Variants in DENND1A observed in about 807,000 individuals in gnomAD.
The protein encoded by DENND1A is DENN domain containing 1A.
DENND1A carries 51 observed loss-of-function variants against 113.7 expected under a neutral mutation model. The observed-to-expected ratio is 0.45, with a 90% CI of 0.36 to 0.57. DENND1A has a LOEUF of 0.57. Among genes scored for constraint, DENND1A ranks in the 20% least tolerant of loss-of-function variants. The pLI, the probability that DENND1A is intolerant of heterozygous loss-of-function variation, is 0.00. For missense variants in DENND1A, 1,258 were observed against 1,395.9 expected (o/e 0.90, Z 1.57); for synonymous variants, 565 against 570.8 (o/e 0.99, Z 0.14).
intron 12 of DENND1A, among the ~76,000 whole-genome samples, chr9:123,558,830 G>A (rs371659770): frequency 1.4e-4 from 21 of 152,244 alleles, no homozygotes; most frequent in African/African-American, 4.8e-4. Context: ...TGGTGACCTC[G>A]AGTTATCCAT....
At chr9:123,929,266 G>C (rs1279141987) in intron 1 of DENND1A, among the ~76,000 whole-genome samples, 1 of 152,204 alleles carries the variant, frequency 6.6e-6, no homozygotes, top group Admixed American at 6.5e-5. Flanking sequence ...CCTTTCCAAC[G>C]ATTATCAAGA....
chr9:123,712,019 T>C (rs763210079), intron 5 of DENND1A, among the ~76,000 whole-genome samples: 1 of 152,226 alleles, frequency 6.6e-6, no homozygotes, highest in Non-Finnish European at 1.5e-5. Flanking sequence ...TATTCTTGAA[T>C]GAATGCAACT....
At chr9:123,886,187 G>T (rs544288672) in intron 1 of DENND1A, among the ~76,000 whole-genome samples, 1,707 of 147,154 alleles carry the variant, frequency 0.012, 32 homozygotes, top group African/African-American at 0.04. Context: ...TTTTTGTTTT[G>T]TTTTTTTTTT....
intron 3 of DENND1A, among the ~76,000 whole-genome samples, chr9:123,772,348 G>A (rs975387314): frequency 6.6e-6 from 1 of 152,138 alleles, no homozygotes; most frequent in African/African-American, 2.4e-5. Context: ...CACATTCATG[G>A]CAGTGTCCCA....
intron 5 of DENND1A, among the ~76,000 whole-genome samples, chr9:123,746,685 A>G (rs946460849): frequency 7.2e-5 from 11 of 152,182 alleles, no homozygotes; most frequent in African/African-American, 2.7e-4. Context: ...AGGAACGCAC[A>G]AGTTCATGGG....
intron 2 of DENND1A, among the ~76,000 whole-genome samples, chr9:123,809,761 CCT>C (rs1260962802): frequency 9.9e-5 from 15 of 152,276 alleles, no homozygotes; most frequent in East Asian, 5.8e-4. Flanking sequence ...ACCTCCACCC[CCT>C]GAGTTCCAGC....
At chr9:123,758,651 A>C (rs1327722868) in intron 4 of DENND1A, among the ~76,000 whole-genome samples, 2 of 152,238 alleles carry the variant, frequency 1.3e-5, no homozygotes, top group Non-Finnish European at 2.9e-5. Context: ...TTTTCTAAGA[A>C]ATGGAAACAA....
At chr9:123,614,908 A>G (rs757491361) in intron 10 of DENND1A, among the ~76,000 whole-genome samples, 3 of 152,228 alleles carry the variant, frequency 2.0e-5, no homozygotes, top group Admixed American at 6.5e-5. Flanking sequence ...CTTTTTTTGT[A>G]AAAGACACAA....
chr9:123,442,125 C>T (rs960455870), intron 18 of DENND1A, among the ~76,000 whole-genome samples: 1 of 152,174 alleles, frequency 6.6e-6, no homozygotes, highest in African/African-American at 2.4e-5. Context: ...CCAATTACTA[C>T]CATTACTACC....
intron 8 of DENND1A, among the ~76,000 whole-genome samples, chr9:123,652,582 G>A (rs181017431): frequency 2.8e-4 from 43 of 152,290 alleles, no homozygotes; most frequent in Middle Eastern, 6.8e-3. Flanking sequence ...AAAGTACCCA[G>A]GGACCAAAAT....
In DENND1A at chr9:123,440,602, C is replaced by A. The variant is rs555739933; in HGVS notation, c.1357-111G>T. 1.8e-3 allele frequency: 2,430 copies of A among 1,348,862 alleles called. 3 individuals are homozygous for A. Among genetic ancestry groups the A allele is most frequent in the Non-Finnish European group, 2.2e-3 (2,260 of 1,044,154 alleles). The allele number at this position is 1,348,862 out of a possible 1,614,324, so 83.6% of individuals were successfully genotyped here. ...GCGACTCTCTCCGTGACATTCTGAG[C>A]CTGACCTCTTGATGAAGATGGAGGG... is the stretch of plus-strand genomic sequence containing the variant. On this transcript the variant is annotated intron_variant, in intron 18 of 23. Transcript: ENST00000394215.
intron 9 of DENND1A, among the ~76,000 whole-genome samples, chr9:123,644,378 C>CAAAAAAAAA (rs10541486): frequency 2.4e-5 from 2 of 84,070 alleles, no homozygotes; most frequent in Non-Finnish European, 4.3e-5. Context: ...TTACAAGCTA[C>CAAAAAAAAA]AAAAAAAAAA....
chr9:123,869,716 C>A (rs1846246214), intron 2 of DENND1A, among the ~76,000 whole-genome samples: 2 of 152,092 alleles, frequency 1.3e-5, no homozygotes. Context: ...GAATCAGGGT[C>A]CAGGCCAGGT....
intron 2 of DENND1A, among the ~76,000 whole-genome samples, chr9:123,793,467 T>A (rs959277729): frequency 6.6e-6 from 1 of 152,186 alleles, no homozygotes; most frequent in African/African-American, 2.4e-5. Context: ...AGGAAAAGAT[T>A]TGATTCCTTT....
chr9:123,465,029 C>G (rs1036869497), intron 13 of DENND1A, among the ~76,000 whole-genome samples: 1 of 139,906 alleles, frequency 7.1e-6, no homozygotes, highest in Non-Finnish European at 1.5e-5. Context: ...ATTAGCCAGG[C>G]GTGGTGGTGC....
At chr9:123,705,934 C>T (rs1015586422) in intron 5 of DENND1A, among the ~76,000 whole-genome samples, 3 of 152,094 alleles carry the variant, frequency 2.0e-5, no homozygotes, top group Non-Finnish European at 2.9e-5. Flanking sequence ...TATGTACCAT[C>T]CTTGGGAGAA....
intron 2 of DENND1A, chr9:123,798,397 G>C (rs1209106749): frequency 6.6e-6 from 1 of 152,136 alleles, no homozygotes; most frequent in African/African-American, 2.4e-5. Context: ...GTTTTCAGTT[G>C]TTGAAGTTAT....
At chr9:123,635,273 T>C (rs1215690810) in intron 9 of DENND1A, among the ~76,000 whole-genome samples, 2 of 152,212 alleles carry the variant, frequency 1.3e-5, no homozygotes, top group Non-Finnish European at 1.5e-5. Context: ...TTGCAAAGTA[T>C]TGTTTTAAAG....
At chr9:123,825,893 C>G (rs1345997003) in intron 2 of DENND1A, among the ~76,000 whole-genome samples, 1 of 152,172 alleles carries the variant, frequency 6.6e-6, no homozygotes, top group African/African-American at 2.4e-5. Context: ...GTGGCCTGTG[C>G]CAATTTGCAG....
Sources: gnomAD v4.1 joint callset for allele counts (sites outside exome capture counted in the v4.1 genomes callset) on GRCh38, gnomAD v4.1.1 for gene constraint, MANE v1.5 for transcripts, NCBI Gene and HGNC (gene_info 2026-07-23, HGNC 2026-07-21) for gene names.